ADGRB3: variants seen among roughly 807,000 people sequenced by gnomAD.
ADGRB3 encodes brain-specific angiogenesis inhibitor 3.
Under a neutral mutation model 193.4 loss-of-function variants are expected in ADGRB3, and 37 were observed. That is an observed-to-expected ratio of 0.19 (90% CI 0.15 to 0.25). The LOEUF (loss-of-function observed/expected upper bound fraction) is 0.25. Ranked by LOEUF, ADGRB3 falls within the 10% of genes least tolerant of loss-of-function variation. ADGRB3 has a pLI of 1.00. For synonymous variants in ADGRB3, 690 were observed against 644.2 expected (o/e 1.07, Z -1.08); for missense variants, 1,637 against 1,852.9 (o/e 0.88, Z 2.14).
At chr6:68,707,814 T>C (rs1435451254) in intron 3 of ADGRB3, among the ~76,000 whole-genome samples, 1 of 152,182 alleles carries the variant, frequency 6.6e-6, no homozygotes, top group South Asian at 2.1e-4. Context: ...AACCAGTCTC[T>C]GCTCAGAGAC....
intron 3 of ADGRB3, among the ~76,000 whole-genome samples, chr6:68,839,576 G>A (rs1451941594): frequency 6.6e-6 from 1 of 152,156 alleles, no homozygotes; most frequent in African/African-American, 2.4e-5. Context: ...TGTGGACTCT[G>A]TCTGTACCTA....
intron 3 of ADGRB3, among the ~76,000 whole-genome samples, chr6:68,913,191 A>C (rs1019915197): frequency 1.3e-5 from 2 of 152,200 alleles, no homozygotes; most frequent in African/African-American, 4.8e-5. Context: ...TGAAGAGAGC[A>C]GTGGTTTTCC....
At chr6:68,761,460 T>C (rs942978675) in intron 3 of ADGRB3, among the ~76,000 whole-genome samples, 4 of 151,380 alleles carry the variant, frequency 2.6e-5, no homozygotes, top group African/African-American at 9.8e-5. Context: ...TTACTACATA[T>C]TTCTTTGTAT....
intron 3 of ADGRB3, among the ~76,000 whole-genome samples, chr6:68,777,628 C>A (rs1582193096): frequency 8.6e-6 from 1 of 116,798 alleles, no homozygotes; most frequent in African/African-American, 3.3e-5. Context: ...CTAATGGGAC[C>A]AAAGGGATTA....
chr6:69,171,378 G>A (rs1166028454), intron 17 of ADGRB3, among the ~76,000 whole-genome samples: 7 of 152,216 alleles, frequency 4.6e-5, no homozygotes, highest in Non-Finnish European at 1.0e-4. Context: ...GATCTGAGTT[G>A]AGAAACATGT....
chr6:69,077,624 T>G (rs946494527), intron 17 of ADGRB3, among the ~76,000 whole-genome samples: 1 of 151,972 alleles, frequency 6.6e-6, no homozygotes, highest in Non-Finnish European at 1.5e-5. Flanking sequence ...AAGTTGAATT[T>G]ATCAAACTAT....
intron 20 of ADGRB3, among the ~76,000 whole-genome samples, chr6:69,279,374 G>C (rs1327028280): frequency 2.0e-5 from 3 of 151,670 alleles, no homozygotes; most frequent in Non-Finnish European, 2.9e-5. Context: ...GCCCAGAATG[G>C]TGGGAGCATT....
At chr6:68,724,203 A>G (rs1283029087) in intron 3 of ADGRB3, among the ~76,000 whole-genome samples, 2 of 151,682 alleles carry the variant, frequency 1.3e-5, no homozygotes, top group South Asian at 4.1e-4. Flanking sequence ...AAGTCCTGAT[A>G]AATACTTTCC....
At chr6:68,795,315 T>C (rs1230376840) in intron 3 of ADGRB3, among the ~76,000 whole-genome samples, 1 of 151,976 alleles carries the variant, frequency 6.6e-6, no homozygotes, top group Admixed American at 6.6e-5. Flanking sequence ...TGATAAACTA[T>C]AGGTAAATGA....
In ADGRB3 at chr6:68,952,238, A is replaced by T. The variant is rs191707505; in HGVS notation, c.1196-3786A>T. ...GGCCCATAAAACAAATCCATTAATA[A>T]TTTTTTTTAATCCAGAATATCACTG... On this transcript the variant is annotated intron_variant, in intron 6 of 31. Coordinates refer to ENST00000370598, the MANE Select transcript of ADGRB3 (RefSeq NM_001704.3). Among the ~76,000 whole-genome samples the T allele has an allele frequency of 1.3e-4, 19 of 151,942 alleles. No homozygotes were observed. The East Asian group carries it at 2.3e-3, about 19-fold the overall frequency.
intron 3 of ADGRB3, among the ~76,000 whole-genome samples, chr6:68,905,032 G>A (rs963807049): frequency 4.6e-5 from 7 of 152,226 alleles, no homozygotes; most frequent in African/African-American, 7.2e-5. Flanking sequence ...TGGCCACCGT[G>A]TGTGGACTGC....
At chr6:69,232,456 C>A in intron 17 of ADGRB3, 1 of 1,513,046 alleles carries the variant, frequency 6.6e-7, no homozygotes, top group Non-Finnish European at 8.8e-7. Flanking sequence ...TTGAACCAGG[C>A]TCTCTTCCCT....
At chr6:68,803,095 A>G (rs893041936) in intron 3 of ADGRB3, among the ~76,000 whole-genome samples, 4 of 151,890 alleles carry the variant, frequency 2.6e-5, no homozygotes, top group Non-Finnish European at 5.9e-5. Flanking sequence ...GTCTGTATAT[A>G]TGACACATTT....
At chr6:69,312,014 T>C (rs1414787499) in intron 20 of ADGRB3, among the ~76,000 whole-genome samples, 2 of 151,760 alleles carry the variant, frequency 1.3e-5, no homozygotes, top group Non-Finnish European at 2.9e-5. Context: ...TCAACTTCTT[T>C]AGAGAAAGGT....
intron 20 of ADGRB3, among the ~76,000 whole-genome samples, chr6:69,299,215 A>T (rs1767900365): frequency 6.7e-6 from 1 of 149,492 alleles, no homozygotes; most frequent in African/African-American, 2.5e-5. Flanking sequence ...CTTTTTTTTC[A>T]CTTTAATTGG....
At chr6:69,318,147 C>T (rs545357644) in intron 20 of ADGRB3, among the ~76,000 whole-genome samples, 88 of 150,772 alleles carry the variant, frequency 5.8e-4, no homozygotes, top group African/African-American at 2.1e-3. Flanking sequence ...AGACATCTTC[C>T]TTTTTTTCAT....
intron 3 of ADGRB3, among the ~76,000 whole-genome samples, chr6:68,755,684 G>A (rs910675705): frequency 2.0e-5 from 3 of 152,120 alleles, no homozygotes; most frequent in Non-Finnish European, 4.4e-5. Flanking sequence ...AAGGAAGCAG[G>A]GAAGAAACCA....
intron 3 of ADGRB3, among the ~76,000 whole-genome samples, chr6:68,850,183 T>C (rs1768368930): frequency 6.6e-6 from 1 of 151,934 alleles, no homozygotes; most frequent in South Asian, 2.1e-4. Flanking sequence ...GCCTCACCAT[T>C]TCATTTTACC....
intron 3 of ADGRB3, among the ~76,000 whole-genome samples, chr6:68,697,229 T>G (rs1330502383): frequency 1.3e-5 from 2 of 152,020 alleles, no homozygotes; most frequent in Non-Finnish European, 2.9e-5. Context: ...AATAACTGTT[T>G]CATTTCAATT....
Sources: gnomAD v4.1 joint callset for allele counts (sites outside exome capture counted in the v4.1 genomes callset) on GRCh38, gnomAD v4.1.1 for gene constraint, MANE v1.5 for transcripts, NCBI Gene and HGNC (gene_info 2026-07-23, HGNC 2026-07-21) for gene names.